The following C13orf46 variants were observed in gnomAD, a reference collection of about 807,000 sequenced individuals.
C13orf46 encodes the protein chromosome 13 open reading frame 46.
chr13:113,968,317 T>G (rs961586925), intron 4 of C13orf46, 150 bp downstream of exon 4: 1 of 152,110 alleles, frequency 6.6e-6, no homozygotes, highest in East Asian at 1.9e-4. Context: ...CTCTCTAGGG[T>G]AGCAGGGGCC....
At chr13:113,953,001 C>A (rs952960259), downstream of C13orf46, among the ~76,000 whole-genome samples, 2 of 152,342 alleles carry the variant, frequency 1.3e-5, no homozygotes, top group African/African-American at 4.8e-5. Flanking sequence ...TCCCCACAGT[C>A]TCCAAAGCCC....
At chr13:113,960,800 G>C (rs2052580780) in intron 6 of C13orf46, among the ~76,000 whole-genome samples, 1 of 152,230 alleles carries the variant, frequency 6.6e-6, no homozygotes, top group Non-Finnish European at 1.5e-5. Context: ...GTCAGGCGAG[G>C]TTCCATCGGA....
chr13:113,931,105 C>A, the C13orf46 span, among the ~76,000 whole-genome samples: 1 of 152,232 alleles, frequency 6.6e-6, no homozygotes, highest in African/African-American at 2.4e-5. Context: ...AACAAACAGG[C>A]TTGGCGAGCC....
the C13orf46 span, among the ~76,000 whole-genome samples, chr13:113,929,323 G>T: frequency 6.6e-6 from 1 of 152,266 alleles, no homozygotes; most frequent in Non-Finnish European, 1.5e-5. Flanking sequence ...GGTGGCTGCT[G>T]GTGGTAAAGC....
At chr13:113,969,842 G>A (rs887383497) in intron 2 of C13orf46, among the ~76,000 whole-genome samples, 3 of 152,142 alleles carry the variant, frequency 2.0e-5, no homozygotes, top group Admixed American at 6.5e-5. Context: ...CTAGTGAGAC[G>A]ACGCCTCCTT....
At chr13:113,947,422 C>T in the C13orf46 span, among the ~76,000 whole-genome samples, 3 of 152,280 alleles carry the variant, frequency 2.0e-5, no homozygotes, top group Non-Finnish European at 4.4e-5. Context: ...CGTCTGCTGT[C>T]GGAAGCAGGA....
chr13:113,965,333 G>A (rs1449901047), intron 5 of C13orf46, among the ~76,000 whole-genome samples: 2 of 152,230 alleles, frequency 1.3e-5, no homozygotes, highest in East Asian at 1.9e-4. Flanking sequence ...GGGCAAAAGG[G>A]AGAGAAGGTA....
chr13:113,935,131 G>A, the C13orf46 span, among the ~76,000 whole-genome samples: 59 of 152,254 alleles, frequency 3.9e-4, no homozygotes, highest in Admixed American at 1.4e-3. Context: ...CAGCCCGAGG[G>A]GGGGAACAGT....
At chr13:113,935,287 G>A in the C13orf46 span, among the ~76,000 whole-genome samples, 1 of 152,258 alleles carries the variant, frequency 6.6e-6, no homozygotes, top group Non-Finnish European at 1.5e-5. Flanking sequence ...AAACAGCTCT[G>A]GAAAGCCACT....
the C13orf46 span, among the ~76,000 whole-genome samples, chr13:113,940,589 CTGGGA>C: frequency 1.4e-4 from 3 of 20,908 alleles, no homozygotes; most frequent in African/African-American, 5.5e-4. Context: ...ACCCTGGTCT[CTGGGA>C]CTCCATGTGT....
chr13:113,966,324 G>A (rs1225746318), intron 5 of C13orf46, among the ~76,000 whole-genome samples: 1 of 149,914 alleles, frequency 6.7e-6, no homozygotes, highest in Non-Finnish European at 1.5e-5. Flanking sequence ...GCTGGTGATG[G>A]GAATGATGGT....
chr13:113,951,546 C>A (rs1412741565), downstream of C13orf46, among the ~76,000 whole-genome samples: 2 of 152,196 alleles, frequency 1.3e-5, no homozygotes, highest in Non-Finnish European at 2.9e-5. Flanking sequence ...GACTGAAAGG[C>A]ATAGAGGGGC....
chr13:113,943,892 TG>T, the C13orf46 span, among the ~76,000 whole-genome samples: 4 of 152,206 alleles, frequency 2.6e-5, no homozygotes, highest in Non-Finnish European at 5.9e-5. Context: ...TGCACCCGGC[TG>T]GCACATCTCC....
chr13:113,933,821 T>C, the C13orf46 span, among the ~76,000 whole-genome samples: 1 of 152,192 alleles, frequency 6.6e-6, no homozygotes, highest in African/African-American at 2.4e-5. Context: ...CTTCCTACAA[T>C]GCAGCACTTT....
In C13orf46 at chr13:113,955,023, AGAG is replaced by A. The variant is rs1251517506; in HGVS notation, c.*1747_*1749del. ...AGAGAGGAGGAGTAGGATCTGGCGGAGAGGAGGAGTAGGATCTGGCGGAGAGGA... is the reference window on the plus strand; with the variant it reads ...AGAGAGGAGGAGTAGGATCTGGCGGAGAGGAGTAGGATCTGGCGGAGAGGA... On this transcript the variant is annotated 3_prime_UTR_variant, in exon 7 of 7. Coordinates refer to ENST00000636427, the MANE Select transcript of C13orf46 (RefSeq NM_001365455.2). The A allele has an allele frequency of 0.01, 1,720 of 164,628 alleles. 19 individuals are homozygous for A. Among genetic ancestry groups the A allele is most frequent in the Middle Eastern group, 0.027 (9 of 332 alleles). 10.2% of individuals were successfully genotyped at this position (164,628 alleles called of 1,614,324 possible).
intron 1 of C13orf46, among the ~76,000 whole-genome samples, chr13:113,971,807 C>A (rs1237511244): frequency 1.3e-5 from 2 of 152,266 alleles, no homozygotes; most frequent in East Asian, 1.9e-4. Flanking sequence ...CCACGTCGGA[C>A]TCTACCAGTG....
chr13:113,930,297 G>A, the C13orf46 span, among the ~76,000 whole-genome samples: 201 of 152,244 alleles, frequency 1.3e-3, 2 homozygotes, highest in Non-Finnish European at 1.2e-3. Flanking sequence ...CAAAGGCACA[G>A]TCCATCGGGT....
chr13:113,971,143 G>A (rs2138995604), intron 1 of C13orf46, among the ~76,000 whole-genome samples: 1 of 152,328 alleles, frequency 6.6e-6, no homozygotes, highest in East Asian at 1.9e-4. Context: ...TCGGAGCCGG[G>A]AATGTTTGCG....
intron 5 of C13orf46, among the ~76,000 whole-genome samples, chr13:113,966,533 T>A (rs1200771718): frequency 1.3e-5 from 2 of 151,010 alleles, no homozygotes. Flanking sequence ...AAGGTGATGA[T>A]GGTAATAATG....
Sources: gnomAD v4.1 joint callset for allele counts (sites outside exome capture counted in the v4.1 genomes callset) on GRCh38, gnomAD v4.1.1 for gene constraint, MANE v1.5 for transcripts, NCBI Gene and HGNC (gene_info 2026-07-23, HGNC 2026-07-21) for gene names.